The following RBFOX1 variants were observed in gnomAD, a reference collection of about 807,000 sequenced individuals.
The protein encoded by RBFOX1 is RNA binding fox-1 homolog 1.
In RBFOX1, 8 loss-of-function variants were observed where a neutral mutation model predicts 57.7. That is an observed-to-expected ratio of 0.14 (90% CI 0.08 to 0.25). The LOEUF (loss-of-function observed/expected upper bound fraction) is 0.25. RBFOX1 is among the 10% of genes least tolerant of loss of function. The pLI is 1.00. For synonymous variants in RBFOX1, 326 were observed against 222.4 expected (o/e 1.47, Z -4.15); for missense variants, 611 against 548.5 (o/e 1.11, Z -1.14).
At chr16:6,645,393 C>T (rs756604669) in intron 2 of RBFOX1, among the ~76,000 whole-genome samples, 18 of 152,174 alleles carry the variant, frequency 1.2e-4, no homozygotes, top group Non-Finnish European at 2.2e-4. Context: ...CTTCGTTGTC[C>T]GGTGTTTCTC....
intron 1 of RBFOX1, among the ~76,000 whole-genome samples, chr16:6,200,079 A>C (rs1007067982): frequency 5.9e-5 from 9 of 152,176 alleles, no homozygotes; most frequent in Non-Finnish European, 1.5e-5. Flanking sequence ...GGGTGCTGGC[A>C]GTAAGCTTCT....
At chr16:7,318,029 T>A (rs969932271) in intron 4 of RBFOX1, among the ~76,000 whole-genome samples, 3 of 151,250 alleles carry the variant, frequency 2.0e-5, no homozygotes, top group African/African-American at 7.3e-5. Flanking sequence ...ATGGTGATGA[T>A]GTGAAAATGG....
At chr16:7,392,097 T>C (rs1339204547) in intron 4 of RBFOX1, among the ~76,000 whole-genome samples, 2 of 152,226 alleles carry the variant, frequency 1.3e-5, no homozygotes, top group Non-Finnish European at 2.9e-5. Context: ...TGTTTGAAAG[T>C]TGCACACCCA....
chr16:6,006,993 A>T (rs371664056), intron 4 of RBFOX1, among the ~76,000 whole-genome samples: 21 of 152,114 alleles, frequency 1.4e-4, no homozygotes, highest in African/African-American at 4.6e-4. Context: ...GGGAATGGGG[A>T]TGTGACAATA....
chr16:6,374,441 C>A (rs149271858), intron 2 of RBFOX1, among the ~76,000 whole-genome samples: 1 of 152,156 alleles, frequency 6.6e-6, no homozygotes, highest in African/African-American at 2.4e-5. Context: ...ATTCTTCTCA[C>A]ACTGATATTG....
intron 2 of RBFOX1, among the ~76,000 whole-genome samples, chr16:6,370,417 C>T (rs1022434327): frequency 1.4e-5 from 2 of 145,128 alleles, no homozygotes; most frequent in African/African-American, 2.5e-5. Context: ...TGCCCATTGC[C>T]GAATCACCTG....
chr16:5,887,645 C>T (rs2057933095), intron 4 of RBFOX1, among the ~76,000 whole-genome samples: 1 of 152,126 alleles, frequency 6.6e-6, no homozygotes, highest in African/African-American at 2.4e-5. Context: ...CTCAAGTGAT[C>T]CACCCGCCTC....
intron 3 of RBFOX1, among the ~76,000 whole-genome samples, chr16:6,664,983 C>T (rs137937475): frequency 1.3e-3 from 194 of 152,252 alleles, no homozygotes; most frequent in African/African-American, 3.9e-3. Context: ...TTCTTGTGTG[C>T]CGCATTAGTC....
At chr16:7,561,951 A>G (rs910183181) in intron 5 of RBFOX1, among the ~76,000 whole-genome samples, 22 of 152,162 alleles carry the variant, frequency 1.4e-4, no homozygotes, top group African/African-American at 5.3e-4. Context: ...AAATTGATGT[A>G]TAGGTTGGCC....
chr16:6,010,815 T>C (rs146064296), intron 4 of RBFOX1, among the ~76,000 whole-genome samples: 1 of 152,218 alleles, frequency 6.6e-6, no homozygotes, highest in African/African-American at 2.4e-5. Flanking sequence ...TTATCTACTT[T>C]ATAGTCCTAA....
chr16:6,911,643 C>T (rs187361192), intron 3 of RBFOX1, among the ~76,000 whole-genome samples: 48 of 152,302 alleles, frequency 3.2e-4, no homozygotes, highest in East Asian at 1.4e-3. Context: ...AGGGGTTGGG[C>T]TTCAACATCT....
Position 7,244,196 on chromosome 16 carries a change from T to C in RBFOX1, c.27+192098T>C, listed in dbSNP as rs150805464. 3.2e-3 allele frequency among the ~76,000 whole-genome samples: 468 copies of C among 145,896 alleles called. 4 individuals are homozygous for C. Among genetic ancestry groups the C allele is most frequent in the East Asian group, 6.7e-3 (33 of 4,954 alleles). ...GAGTAAATAAACATTTATAATAATA[T>C]ATCTTTCATCCCTTCTTCAGAGTCT... On this transcript the variant is annotated intron_variant, in intron 4 of 15. Coordinates refer to ENST00000550418, the MANE Select transcript of RBFOX1 (RefSeq NM_018723.4).
At chr16:5,855,976 C>CTTTTTTTT (rs1160702604) in intron 3 of RBFOX1, among the ~76,000 whole-genome samples, 10 of 77,704 alleles carry the variant, frequency 1.3e-4, no homozygotes, top group Non-Finnish European at 1.8e-4. Flanking sequence ...GTATGTTATT[C>CTTTTTTTT]TTTTTTTTTT....
chr16:6,880,607 G>C (rs2062740814), intron 3 of RBFOX1, among the ~76,000 whole-genome samples: 1 of 152,104 alleles, frequency 6.6e-6, no homozygotes. Flanking sequence ...TCTGAAATGT[G>C]AACTGGAAGA....
intron 11 of RBFOX1, among the ~76,000 whole-genome samples, chr16:7,636,845 C>CAG (rs541420526): frequency 3.4e-4 from 41 of 119,386 alleles, no homozygotes; most frequent in Admixed American, 1.6e-3. Context: ...CAGAGAGAAA[C>CAG]AGAGAGAGAG....
intron 3 of RBFOX1, among the ~76,000 whole-genome samples, chr16:5,751,503 T>C (rs986403802): frequency 1.3e-5 from 2 of 152,218 alleles, no homozygotes; most frequent in Non-Finnish European, 2.9e-5. Context: ...TAATTGTTTT[T>C]GGTCTCAAAT....
chr16:5,389,183 T>G (rs967029825), intron 1 of RBFOX1, among the ~76,000 whole-genome samples: 18 of 136,450 alleles, frequency 1.3e-4, no homozygotes, highest in African/African-American at 4.7e-4. Flanking sequence ...AGAGCGAGAC[T>G]CCGTCTCAAA....
At chr16:6,417,412 C>T (rs375005904) in intron 2 of RBFOX1, among the ~76,000 whole-genome samples, 6 of 116,136 alleles carry the variant, frequency 5.2e-5, no homozygotes, top group East Asian at 5.0e-4. Flanking sequence ...AATGTGTTTA[C>T]TTTTTTTTTT....
intron 4 of RBFOX1, among the ~76,000 whole-genome samples, chr16:7,172,828 C>T (rs914750768): frequency 1.3e-5 from 2 of 152,076 alleles, no homozygotes; most frequent in African/African-American, 4.8e-5. Flanking sequence ...AGAGTGCCTT[C>T]TGAAGTGAGG....
Sources: allele counts gnomAD v4.1 joint callset (sites outside exome capture counted in the v4.1 genomes callset), GRCh38; gene constraint gnomAD v4.1.1; transcripts MANE v1.5; gene names NCBI Gene and HGNC (gene_info 2026-07-23, HGNC 2026-07-21).